Variants in RBM11 observed in about 807,000 individuals in gnomAD.
The protein encoded by RBM11 is splicing regulator RBM11.
A neutral mutation model predicts 21.4 loss-of-function variants in RBM11; 18 were observed. That is an observed-to-expected ratio of 0.84 (90% CI 0.58 to 1.25). The LOEUF (loss-of-function observed/expected upper bound fraction) is 1.25, where lower values mean the gene tolerates loss of function less well. RBM11 is among the 50% of genes most tolerant of loss of function. RBM11 has a pLI of 0.00. For missense variants in RBM11, 294 were observed against 331.9 expected, an observed-to-expected ratio of 0.89 and a Z score of 0.89; for synonymous variants, 120 against 116.3, an observed-to-expected ratio of 1.03 and a Z score of -0.20.
intron 1 of RBM11, 110 bp from the exon 2 acceptor site, chr21:14,219,453 T>C: frequency 4.2e-6 from 3 of 710,120 alleles, no homozygotes; most frequent in Non-Finnish European, 6.6e-6. Context: ...TTAGCAGAGC[T>C]ACATAAAGAT....
chr21:14,222,307 ACT>A lies in RBM11; in HGVS notation c.332+1139_332+1140del, dbSNP rs537728747. On this transcript the variant is annotated intron_variant, in intron 3 of 4. Coordinates refer to ENST00000400577, the MANE Select transcript of RBM11 (RefSeq NM_144770.5). ...TAGATCTATGTATCTCTATATAGAT[ACT>A]TATATATAGAGAGAGAAGTATAGCT... is the stretch of plus-strand genomic sequence containing the variant. Among the ~76,000 whole-genome samples the A allele has an allele frequency of 9.2e-3, 1,398 of 151,694 alleles. 15 individuals carry two copies. Among genetic ancestry groups the A allele is most frequent in the African/African-American group, 0.028 (1,139 of 41,082 alleles).
intron 2 of RBM11, among the ~76,000 whole-genome samples, chr21:14,220,071 A>G (rs1252974887): frequency 6.6e-6 from 1 of 152,168 alleles, no homozygotes; most frequent in Non-Finnish European, 1.5e-5. Flanking sequence ...AAGGGTATTT[A>G]CTAATCTTGT....
chr21:14,220,684 G>A (rs541771711), intron 2 of RBM11, among the ~76,000 whole-genome samples: 2 of 152,234 alleles, frequency 1.3e-5, no homozygotes, highest in South Asian at 4.1e-4. Flanking sequence ...GAATAGGCCA[G>A]GGTATATTAT....
intron 1 of RBM11, among the ~76,000 whole-genome samples, chr21:14,217,406 A>G (rs1008621087): frequency 5.3e-5 from 8 of 152,180 alleles, no homozygotes; most frequent in African/African-American, 1.7e-4. Flanking sequence ...GAGGGAGGCA[A>G]TTACAGAACT....
At chr21:14,217,746 A>T (rs935539211) in intron 1 of RBM11, among the ~76,000 whole-genome samples, 1 of 152,032 alleles carries the variant, frequency 6.6e-6, no homozygotes, top group Non-Finnish European at 1.5e-5. Flanking sequence ...AACAACAAAA[A>T]CCGAAAGAAA....
chr21:14,217,292 C>G (rs2020467543), intron 1 of RBM11, among the ~76,000 whole-genome samples: 1 of 152,134 alleles, frequency 6.6e-6, no homozygotes, highest in South Asian at 2.1e-4. Flanking sequence ...TCGCTGTTTG[C>G]TACCGCTACT....
intron 4 of RBM11, 89 bp from the exon 5 acceptor site, chr21:14,226,791 A>T: frequency 6.7e-7 from 1 of 1,499,684 alleles, no homozygotes; most frequent in Non-Finnish European, 8.9e-7. Context: ...TAGTTTACTC[A>T]TGGCTATTGT....
intron 3 of RBM11, 27 bp from the exon 4 acceptor site, chr21:14,224,411 A>C: frequency 1.3e-6 from 2 of 1,525,678 alleles, no homozygotes; most frequent in African/African-American, 2.8e-5. Flanking sequence ...TTAAGATTTT[A>C]TTACTTCTTC....
At position 14,227,316 on chromosome 21, in the gene RBM11, C is replaced by T. The variant is rs1979190841; in HGVS notation, c.*23C>T. The T allele has an allele frequency of 1.9e-6, 3 of 1,570,834 alleles. No individual in the cohort carries two copies. The highest frequency in any genetic ancestry group is 2.6e-6 in the Non-Finnish European group (3 of 1,160,636). On this transcript the variant is annotated 3_prime_UTR_variant, in exon 5 of 5. Transcript: ENST00000400577. The stretch of plus-strand genomic sequence containing the variant: ...TAGTATTACCTACAAATGAAACTTA[C>T]CTACACTGATCTTAGTTCTCTTATG...
rs756474957 is a variant in RBM11 at position 14,216,297 on chromosome 21, AAGGGGCGGCGG to A, written c.96+24_96+34del. On this transcript the variant is annotated intron_variant, in intron 1 of 4. Coordinates refer to ENST00000400577, the MANE Select transcript of RBM11 (RefSeq NM_144770.5). The stretch of plus-strand genomic sequence containing the variant: ...TGTTCCTTCAGGTACCGTCTCTGGG[AAGGGGCGGCGG>A]AGGGGCGGAGCACGTCGGGCCGGAA... 3.7e-6 allele frequency: 6 copies of A among 1,610,430 alleles called. No homozygotes were observed. In the East Asian group the frequency reaches 1.3e-4, roughly 36 times the overall value.
Position 14,216,255 on chromosome 21 carries a change from A to G in RBM11, c.69A>G (p.Glu23=). 6.2e-7 allele frequency: 1 copy of G among 1,612,510 alleles called. No homozygotes were observed. Among genetic ancestry groups the G allele is most frequent in the East Asian group, 2.2e-5 (1 of 44,778 alleles). ...FVGNLEARVR[E]EILYELFLQA... is the part of the protein sequence containing the mutation. The stretch of plus-strand genomic sequence containing the variant: ...GGAATTTAGAGGCCCGAGTTCGGGA[A>G]GAGATTCTGTACGAGCTGTTCCTTC... The change falls in exon 1 of 5, where the codon GAA becomes GAG. Residue 23 remains glutamate (E), a synonymous_variant. Coordinates refer to ENST00000400577, the MANE Select transcript of RBM11 (RefSeq NM_144770.5).
intron 1 of RBM11, among the ~76,000 whole-genome samples, chr21:14,217,787 A>C (rs1008903186): frequency 6.6e-6 from 1 of 152,180 alleles, no homozygotes; most frequent in East Asian, 1.9e-4. Flanking sequence ...ATTTTTCTCC[A>C]GAAGACTTCT....
chr21:14,227,605 C>T lies in RBM11; in HGVS notation c.*312C>T, dbSNP rs1600969868. Reference sequence around the variant, plus strand: ...TTAATCAAAAGTCACTTATTGAACACATTGATAAAGCATCATGTTCCCTTT... The same window carrying T: ...TTAATCAAAAGTCACTTATTGAACATATTGATAAAGCATCATGTTCCCTTT... On this transcript the variant is annotated 3_prime_UTR_variant, in exon 5 of 5. Coordinates refer to ENST00000400577, the MANE Select transcript of RBM11 (RefSeq NM_144770.5). The T allele has an allele frequency of 3.3e-6, 1 of 298,886 alleles. No individual in the cohort carries two copies. Among genetic ancestry groups the T allele is most frequent in the East Asian group, 7.4e-5 (1 of 13,466 alleles). 18.5% of individuals were successfully genotyped at this position (298,886 alleles called of 1,614,324 possible).
Position 14,219,572 on chromosome 21 carries a change from C to T in RBM11, c.106C>T (p.Leu36=). The T allele has an allele frequency of 6.6e-7, 1 of 1,515,132 alleles. No homozygotes were observed. 93.9% of individuals were successfully genotyped at this position (1,515,132 alleles called of 1,614,324 possible). A position where few individuals can be genotyped will look rare whatever the true frequency, so the allele number is the denominator to read the frequency against. ...TTTAAGTTTCTTATAGGCGGGGCCA[C>T]TAACCAAAGTGACTATATGCAAAGA... ...LYELFLQAGP[L]TKVTICKDRE... Residue 36 remains leucine (L), a synonymous_variant, in exon 2 of 5, where the codon CTA becomes TTA. Transcript: ENST00000400577.
Position 14,227,109 on chromosome 21 carries a change from A to C in RBM11, c.662A>C (p.Asp221Ala). The change falls in exon 5 of 5, where the codon GAT (aspartate) becomes GCT (alanine). Residue 221 changes from aspartate to alanine, a missense_variant. Asp to Ala is a moderately radical substitution (Grantham distance 126, BLOSUM62 -2). Around this residue, in one of 2 missense-constraint regions of RBM11, gnomAD observed 113 missense variants for 167.3 expected, o/e 0.68. Transcript: ENST00000400577. Reference sequence around the variant, plus strand: ...TCTTCCTCACTGAATCATGTTCCAGATCTTGAGGCTGGACCCAGCTCATAT... The same window carrying C: ...TCTTCCTCACTGAATCATGTTCCAGCTCTTGAGGCTGGACCCAGCTCATAT... The part of the protein sequence containing the change: ...SVSSSLNHVP[D>A]LEAGPSSYKW... The C allele has an allele frequency of 6.3e-7, 1 of 1,581,240 alleles. No individual in the cohort carries two copies. The highest frequency in any genetic ancestry group is 8.6e-7 in the Non-Finnish European group (1 of 1,167,510).
At chr21:14,219,801 C>T in intron 2 of RBM11, 76 bp downstream of exon 2, 3 of 1,322,958 alleles carry the variant, frequency 2.3e-6, no homozygotes, top group Non-Finnish European at 3.0e-6. Flanking sequence ...CAATTTGTTT[C>T]CTATGTAGTA....
intron 1 of RBM11, among the ~76,000 whole-genome samples, chr21:14,216,787 G>A (rs191593052): frequency 8.5e-4 from 130 of 152,252 alleles, no homozygotes; most frequent in Middle Eastern, 3.4e-3. Context: ...CTGTGACCAG[G>A]TGATTCCCTG....
chr21:14,222,967 T>A (rs1978798562), intron 3 of RBM11, among the ~76,000 whole-genome samples: 2 of 152,232 alleles, frequency 1.3e-5, no homozygotes, highest in South Asian at 4.1e-4. Context: ...ACTCCTTTTT[T>A]CTACTAGTAC....
In RBM11 at chr21:14,224,681, G is replaced by A. The variant is rs1978952101; in HGVS notation, c.432+144G>A. 2.0e-5 allele frequency: 24 copies of A among 1,228,316 alleles called. No individual in the cohort carries two copies. The South Asian group carries it at 4.3e-4, about 22-fold the overall frequency. The allele number at this position is 1,228,316 out of a possible 1,614,324, so 76.1% of individuals were successfully genotyped here. On this transcript the variant is annotated intron_variant, in intron 4 of 4. Transcript: ENST00000400577. ...AGCACTGTCCTCCAGTGGTGTCCTG[G>A]CCTAACACCATCATCCTAAATTTCA...
Sources: gnomAD v4.1 joint callset for allele counts (sites outside exome capture counted in the v4.1 genomes callset) on GRCh38, gnomAD v4.1.1 for gene constraint, gnomAD v4.1.1 regional missense constraint, MANE v1.5 for transcripts, NCBI Gene and HGNC (gene_info 2026-07-23, HGNC 2026-07-21) for gene names.